VSNL1: variants seen among roughly 807,000 people sequenced by gnomAD.
The protein encoded by VSNL1 is visinin like 1, also known as visinin-like protein 1.
Under a neutral mutation model 20.4 loss-of-function variants are expected in VSNL1, and 6 were observed. The observed-to-expected ratio is 0.29, with a 90% CI of 0.16 to 0.58. The LOEUF (loss-of-function observed/expected upper bound fraction) is 0.58. Among genes scored for constraint, VSNL1 ranks in the 20% least tolerant of loss-of-function variants. VSNL1 has a pLI of 0.90. For missense variants in VSNL1, 100 were observed against 234.5 expected (o/e 0.43, Z 3.75); for synonymous variants, 93 against 86.4 (o/e 1.08, Z -0.42).
At chr2:17,543,198 T>C (rs1663330371) in intron 1 of VSNL1, among the ~76,000 whole-genome samples, 1 of 152,200 alleles carries the variant, frequency 6.6e-6, no homozygotes, top group African/African-American at 2.4e-5. Flanking sequence ...CCTCTTTGGA[T>C]GTTTAGTCTG....
intron 1 of VSNL1, among the ~76,000 whole-genome samples, chr2:17,574,177 A>T (rs1214368644): frequency 6.6e-6 from 1 of 152,088 alleles, no homozygotes; most frequent in Non-Finnish European, 1.5e-5. Flanking sequence ...GTTCTGGGTA[A>T]ATCCTATCCT....
At position 17,656,128 on chromosome 2, in the gene VSNL1, TC is replaced by T. The variant is rs1377422084; in HGVS notation, c.*735del. On this transcript the variant is annotated 3_prime_UTR_variant, in exon 4 of 4. Coordinates refer to ENST00000295156, the MANE Select transcript of VSNL1 (RefSeq NM_003385.5). The stretch of plus-strand genomic sequence containing the variant: ...AGTGTATTGGTTTCTGTTTGAATTT[TC>T]AAAGGCTTCCAATGTGGTGGCAATA... The T allele has an allele frequency of 2.0e-5, 3 of 152,590 alleles. No individual in the cohort carries two copies. Among genetic ancestry groups the T allele is most frequent in the Non-Finnish European group, 4.4e-5 (3 of 68,042 alleles). The allele number at this position is 152,590 out of a possible 1,614,324, so 9.5% of individuals were successfully genotyped here.
intron 2 of VSNL1, among the ~76,000 whole-genome samples, chr2:17,622,532 A>AAAAGAAAGAAGG (rs1665390429): frequency 2.4e-4 from 24 of 98,644 alleles, no homozygotes; most frequent in Non-Finnish European, 3.8e-4. Flanking sequence ...AGAAAGAAAG[A>AAAAGAAAGAAGG]AAAGAAAGAA....
intron 1 of VSNL1, among the ~76,000 whole-genome samples, chr2:17,545,343 TA>T (rs1423412426): frequency 6.6e-6 from 1 of 152,172 alleles, no homozygotes; most frequent in Non-Finnish European, 1.5e-5. Context: ...TTATTTTTTG[TA>T]AAGATATTAA....
At chr2:17,544,241 T>C (rs1663359112) in intron 1 of VSNL1, among the ~76,000 whole-genome samples, 2 of 152,214 alleles carry the variant, frequency 1.3e-5, no homozygotes, top group Admixed American at 1.3e-4. Flanking sequence ...CCCTCCTCTG[T>C]TGGTAAATCT....
intron 2 of VSNL1, among the ~76,000 whole-genome samples, chr2:17,642,230 GTAAGGATACAATGAAGAACAAAATA>G (rs1330446624): frequency 1.3e-5 from 2 of 150,774 alleles, no homozygotes; most frequent in Admixed American, 6.6e-5. Flanking sequence ...TTCGAGAGCA[GTAAGGATACAATGAAGAACAAAATA>G]TAATTTCATC....
At chr2:17,567,379 GA>G (rs1266504017) in intron 1 of VSNL1, 2 of 11,436 alleles carry the variant, frequency 1.7e-4, no homozygotes, top group Non-Finnish European at 5.6e-4. Flanking sequence ...TTTTTTTTTA[GA>G]AGGAGTCTGC....
rs1443402637 is a variant in VSNL1 at position 17,634,003 on chromosome 2, T to C, written c.163-15407T>C. On this transcript the variant is annotated intron_variant, in intron 2 of 3. Coordinates refer to ENST00000295156, the MANE Select transcript of VSNL1 (RefSeq NM_003385.5). This position sits in a 1 kb window ranked among gnomAD's most constrained non-coding sequence, Gnocchi z 4.3. ...TGGATCGGCACCAGCTTGGAGTGTC[T>C]GAGGAGGTGAGGGTGGTGGAGAAAT... is the stretch of plus-strand genomic sequence containing the variant. Among the ~76,000 whole-genome samples, 3 of 152,030 alleles carry C rather than the reference T, an allele frequency of 2.0e-5. No homozygotes were observed. Among genetic ancestry groups the C allele is most frequent in the African/African-American group, 7.3e-5 (3 of 41,374 alleles).
Position 17,623,488 on chromosome 2 carries a change from C to T in VSNL1, c.163-25922C>T, listed in dbSNP as rs375026444. Among the ~76,000 whole-genome samples the T allele has an allele frequency of 1.2e-4, 18 of 151,724 alleles. No individual in the cohort carries two copies. The East Asian group carries it at 1.4e-3, about 11-fold the overall frequency. On this transcript the variant is annotated intron_variant, in intron 2 of 3. Coordinates refer to ENST00000295156, the MANE Select transcript of VSNL1 (RefSeq NM_003385.5). ...ATCGAGACCATCCTGGCTAACACGGCGAAACCCCGTCTCTACTAAAAATAC... is the reference window on the plus strand; with the variant it reads ...ATCGAGACCATCCTGGCTAACACGGTGAAACCCCGTCTCTACTAAAAATAC...
intron 1 of VSNL1, among the ~76,000 whole-genome samples, chr2:17,589,767 T>C (rs897049938): frequency 6.6e-6 from 1 of 152,240 alleles, no homozygotes; most frequent in Non-Finnish European, 1.5e-5. Flanking sequence ...ACAAAGAAGC[T>C]GATACGTTGT....
intron 2 of VSNL1, among the ~76,000 whole-genome samples, chr2:17,605,285 G>T (rs1041874477): frequency 6.6e-6 from 1 of 152,226 alleles, no homozygotes; most frequent in African/African-American, 2.4e-5. Flanking sequence ...TGCTCCAGGG[G>T]ACTATGCCCC....
At chr2:17,605,120 A>C (rs779538074) in intron 2 of VSNL1, among the ~76,000 whole-genome samples, 2 of 152,198 alleles carry the variant, frequency 1.3e-5, no homozygotes, top group Non-Finnish European at 2.9e-5. Context: ...ATGGCTCTTC[A>C]TATCTACTTT....
intron 2 of VSNL1, among the ~76,000 whole-genome samples, chr2:17,643,863 G>A (rs982834847): frequency 4.6e-5 from 7 of 152,206 alleles, no homozygotes; most frequent in Non-Finnish European, 8.8e-5. Context: ...GCAGGGGAGG[G>A]AGAGCCAGCA....
intron 2 of VSNL1, among the ~76,000 whole-genome samples, chr2:17,593,367 A>G (rs3109180): frequency 0.64 from 97,787 of 152,024 alleles, 33,130 homozygotes; most frequent in East Asian, 0.99. Context: ...TTGAACTGTA[A>G]CAACACTAAG....
chr2:17,630,213 G>A (rs549896265), intron 2 of VSNL1, among the ~76,000 whole-genome samples: 41 of 152,316 alleles, frequency 2.7e-4, no homozygotes, highest in African/African-American at 9.9e-4. Flanking sequence ...TGGAGGTAGG[G>A]TTTCACCATG....
At chr2:17,548,143 A>C (rs1430723557) in intron 1 of VSNL1, among the ~76,000 whole-genome samples, 3 of 152,124 alleles carry the variant, frequency 2.0e-5, no homozygotes, top group Non-Finnish European at 4.4e-5. Context: ...CAATAAAGAA[A>C]AGATACCTTC....
At chr2:17,643,494 C>T (rs1665927710) in intron 2 of VSNL1, among the ~76,000 whole-genome samples, 1 of 152,138 alleles carries the variant, frequency 6.6e-6, no homozygotes, top group Non-Finnish European at 1.5e-5. Flanking sequence ...CCCTGTCTCT[C>T]AAGGCCTCGA....
At chr2:17,637,764 AGT>A (rs894423766) in intron 2 of VSNL1, among the ~76,000 whole-genome samples, 1 of 152,226 alleles carries the variant, frequency 6.6e-6, no homozygotes, top group Non-Finnish European at 1.5e-5. Context: ...GGCCCACACC[AGT>A]GAGAGCAGGG....
At chr2:17,629,935 C>T (rs1008329354) in intron 2 of VSNL1, among the ~76,000 whole-genome samples, 8 of 152,030 alleles carry the variant, frequency 5.3e-5, no homozygotes, top group South Asian at 4.1e-4. Flanking sequence ...TTTATGGACT[C>T]GGAATGGCGA....
Sources: allele counts gnomAD v4.1 joint callset (sites outside exome capture counted in the v4.1 genomes callset), GRCh38; gene constraint gnomAD v4.1.1; non-coding constraint Gnocchi (gnomAD v3.1); transcripts MANE v1.5; gene names NCBI Gene and HGNC (gene_info 2026-07-23, HGNC 2026-07-21).